DENND2C: variants seen among roughly 807,000 people sequenced by gnomAD.
DENND2C encodes the protein DENN domain-containing protein 2C.
DENND2C carries 72 observed loss-of-function variants against 112.4 expected under a neutral mutation model. The observed-to-expected ratio is 0.64, with a 90% CI of 0.53 to 0.78. DENND2C has a LOEUF of 0.78. Ranked by LOEUF, DENND2C falls within the 30% of genes least tolerant of loss-of-function variation. DENND2C has a pLI of 0.00. For missense variants in DENND2C, 992 were observed against 1,113.8 expected (o/e 0.89, Z 1.56); for synonymous variants, 329 against 381.6 (o/e 0.86, Z 1.61).
chr1:114,606,520 C>G (rs889499478), intron 10 of DENND2C, among the ~76,000 whole-genome samples: 21 of 152,240 alleles, frequency 1.4e-4, no homozygotes, highest in Middle Eastern at 6.8e-3. Flanking sequence ...AAGTAATAAG[C>G]AGGAGAGTGA....
chr1:114,585,773 C>T, intron 20 of DENND2C, 142 bp from the exon 21 acceptor site: 1 of 804,208 alleles, frequency 1.2e-6, no homozygotes, highest in Non-Finnish European at 2.0e-6. Context: ...TGTGTTTAAC[C>T]CCCAAAACAA....
chr1:114,660,192 ACT>A (rs973308948), intron 1 of DENND2C, among the ~76,000 whole-genome samples: 1 of 152,130 alleles, frequency 6.6e-6, no homozygotes, highest in African/African-American at 2.4e-5. Context: ...GGTACAGTTA[ACT>A]CTGAATATTT....
chr1:114,669,926 C>G (rs1657748681), intron 1 of DENND2C, 57 bp downstream of exon 1: 1 of 152,622 alleles, frequency 6.6e-6, no homozygotes, highest in African/African-American at 2.4e-5. Context: ...CCGACAGCCC[C>G]GAGAGTCCGA....
At chr1:114,665,084 ACT>A (rs1405005553) in intron 1 of DENND2C, among the ~76,000 whole-genome samples, 1 of 151,554 alleles carries the variant, frequency 6.6e-6, no homozygotes, top group Non-Finnish European at 1.5e-5. Context: ...ACAGAGAGAG[ACT>A]CTGTCTCAAG....
chr1:114,652,089 T>G (rs1320618432), intron 2 of DENND2C, among the ~76,000 whole-genome samples: 1 of 152,176 alleles, frequency 6.6e-6, no homozygotes, highest in South Asian at 2.1e-4. Context: ...AAGTGGACCT[T>G]GGGCTTGATT....
At chr1:114,606,915 C>A (rs1655671562) in intron 10 of DENND2C, among the ~76,000 whole-genome samples, 1 of 152,214 alleles carries the variant, frequency 6.6e-6, no homozygotes, top group South Asian at 2.1e-4. Flanking sequence ...CCATTCCAAC[C>A]CACAGCAGTT....
chr1:114,658,932 AAAG>A (rs1227280310), intron 1 of DENND2C, among the ~76,000 whole-genome samples: 2 of 152,100 alleles, frequency 1.3e-5, no homozygotes, highest in African/African-American at 2.4e-5. Flanking sequence ...CTTCAAACTA[AAAG>A]AAGAACTAAG....
At chr1:114,611,028 C>G (rs751605006) in intron 9 of DENND2C, 45 bp downstream of exon 9, 35 of 1,612,578 alleles carry the variant, frequency 2.2e-5, no homozygotes, top group Non-Finnish European at 2.7e-5. Flanking sequence ...TCCACCTAAC[C>G]CATGATCATC....
intron 1 of DENND2C, among the ~76,000 whole-genome samples, chr1:114,660,590 T>C (rs1380311764): frequency 2.6e-5 from 4 of 152,158 alleles, no homozygotes; most frequent in Admixed American, 6.5e-5. Flanking sequence ...AGATACTCAT[T>C]AAAACACACT....
At chr1:114,603,823 C>T (rs988315100) in intron 11 of DENND2C, among the ~76,000 whole-genome samples, 3 of 152,148 alleles carry the variant, frequency 2.0e-5, no homozygotes, top group Non-Finnish European at 2.9e-5. Context: ...AGGTGTGAGC[C>T]ACTGCACCTG....
chr1:114,626,645 T>C (rs1158984082), intron 3 of DENND2C, among the ~76,000 whole-genome samples: 1 of 151,442 alleles, frequency 6.6e-6, no homozygotes, highest in African/African-American at 2.4e-5. Flanking sequence ...TGAGTAGCTG[T>C]GACTACAGGT....
chr1:114,606,865 G>A (rs1037620007), intron 10 of DENND2C, among the ~76,000 whole-genome samples: 2 of 152,172 alleles, frequency 1.3e-5, no homozygotes, highest in African/African-American at 4.8e-5. Context: ...ACTAGGGGTT[G>A]GGAAGTTAAG....
In DENND2C at chr1:114,584,575, C is replaced by T. The variant is rs1654991638; in HGVS notation, c.*1025G>A. The T allele has an allele frequency of 6.6e-6, 1 of 152,120 alleles. No homozygotes were observed. The highest frequency in any genetic ancestry group is 1.5e-5 in the Non-Finnish European group (1 of 68,042). 9.4% of individuals were successfully genotyped at this position (152,120 alleles called of 1,614,324 possible). A position where few individuals can be genotyped will look rare whatever the true frequency, so the allele number is the denominator to read the frequency against. ...ACAGACGTGAGCCATAGCACCCAGC[C>T]TCAGTTTATTAGTAAAATGGAGATG... On this transcript the variant is annotated 3_prime_UTR_variant, in exon 21 of 21. Transcript: ENST00000393274.
intron 4 of DENND2C, 81 bp from the exon 5 acceptor site, chr1:114,623,724 G>A (rs113405787): frequency 1.0e-6 from 1 of 986,170 alleles, no homozygotes; most frequent in South Asian, 2.2e-5. Flanking sequence ...TTATTTATTT[G>A]TTTGATTGTT....
At position 114,625,641 on chromosome 1, in the gene DENND2C, T is replaced by A; in HGVS notation, c.344A>T (p.Asn115Ile). 3 of 1,614,130 alleles carry A rather than the reference T, an allele frequency of 1.9e-6. No homozygotes were observed. The highest frequency in any genetic ancestry group is 2.5e-6 in the Non-Finnish European group (3 of 1,180,014). ...TTCTTTGACCCGAGAACATACCCAG[T>A]TGGATTCTGATTCATTTTTAAAGAA... The part of the protein sequence containing the change: ...THFFKNESES[N>I]WVCSRVKEIE... Residue 115 changes from asparagine (N) to isoleucine (I), a missense_variant, in exon 4 of 21, where the codon AAC (asparagine) becomes ATC (isoleucine). Physicochemically the swap from Asn to Ile is moderately radical, Grantham distance 149. Coordinates refer to ENST00000393274, the MANE Select transcript of DENND2C (RefSeq NM_001256404.2).
chr1:114,624,485 C>G (rs1037026674), intron 4 of DENND2C, among the ~76,000 whole-genome samples: 7 of 151,534 alleles, frequency 4.6e-5, no homozygotes, highest in African/African-American at 1.5e-4. Context: ...TTTATAGAGA[C>G]AGGGTCTCAC....
chr1:114,637,369 C>CAAAAAAAAAAAAAAAAAAAGAAAA (rs1656685953), intron 3 of DENND2C, among the ~76,000 whole-genome samples: 1 of 127,652 alleles, frequency 7.8e-6, no homozygotes. Context: ...GACTCTGTCT[C>CAAAAAAAAAAAAAAAAAAAGAAAA]AAAAAAAAAA....
chr1:114,642,588 G>A (rs558673586), intron 3 of DENND2C, among the ~76,000 whole-genome samples: 1 of 152,120 alleles, frequency 6.6e-6, no homozygotes, highest in Non-Finnish European at 1.5e-5. Context: ...ATATGAGCCA[G>A]GCATAGCTCT....
intron 9 of DENND2C, among the ~76,000 whole-genome samples, chr1:114,609,329 A>C (rs1297518188): frequency 6.6e-6 from 1 of 152,230 alleles, no homozygotes; most frequent in Non-Finnish European, 1.5e-5. Flanking sequence ...CTAAGTACAG[A>C]AAGGGGGAGT....
Sources: allele counts gnomAD v4.1 joint callset (sites outside exome capture counted in the v4.1 genomes callset), GRCh38; gene constraint gnomAD v4.1.1; transcripts MANE v1.5; gene names NCBI Gene and HGNC (gene_info 2026-07-23, HGNC 2026-07-21).